The following MBNL2 variants were observed in gnomAD, a reference collection of about 807,000 sequenced individuals.
MBNL2 encodes muscleblind like splicing regulator 2.
A neutral mutation model predicts 41.9 loss-of-function variants in MBNL2; 17 were observed. That is an observed-to-expected ratio of 0.41 (90% CI 0.28 to 0.61). The LOEUF (loss-of-function observed/expected upper bound fraction) is 0.61, where lower values mean the gene tolerates loss of function less well. MBNL2 is among the 20% of genes least tolerant of loss of function. The pLI is 0.35. For synonymous variants in MBNL2, 195 were observed against 182.9 expected, an observed-to-expected ratio of 1.07 and a Z score of -0.53; for missense variants, 336 against 505.6, an observed-to-expected ratio of 0.66 and a Z score of 3.22.
chr13:97,233,110 G>A (rs1405881767), intron 1 of MBNL2, among the ~76,000 whole-genome samples: 2 of 87,952 alleles, frequency 2.3e-5, no homozygotes, highest in Admixed American at 1.4e-4. Context: ...TGATGCTCTC[G>A]CTTCAGGCTC....
chr13:97,294,823 A>T (rs532610937), intron 2 of MBNL2, among the ~76,000 whole-genome samples: 1 of 152,322 alleles, frequency 6.6e-6, no homozygotes, highest in African/African-American at 2.4e-5. Context: ...CATAGATTAC[A>T]TTTCCCAAGT....
At chr13:97,373,256 C>T (rs1346066094) in intron 8 of MBNL2, among the ~76,000 whole-genome samples, 1 of 152,136 alleles carries the variant, frequency 6.6e-6, no homozygotes, top group African/African-American at 2.4e-5. Flanking sequence ...TCTCTCTCTG[C>T]CTTATGCTGC....
chr13:97,263,417 C>T (rs186233941), intron 1 of MBNL2, among the ~76,000 whole-genome samples: 22 of 152,268 alleles, frequency 1.4e-4, no homozygotes, highest in Middle Eastern at 3.4e-3. Context: ...CTTAGTGATA[C>T]TTAGGCAGAC....
intron 8 of MBNL2, among the ~76,000 whole-genome samples, chr13:97,369,339 T>A (rs1057155589): frequency 2.0e-5 from 3 of 152,312 alleles, no homozygotes; most frequent in African/African-American, 7.2e-5. Flanking sequence ...GGAGTAGAAC[T>A]AGATGCCCCT....
intron 8 of MBNL2, among the ~76,000 whole-genome samples, chr13:97,375,502 T>C (rs947741460): frequency 6.6e-6 from 1 of 152,142 alleles, no homozygotes. Context: ...CCTGACACCA[T>C]GACCAGCTGG....
At chr13:97,363,164 A>T (rs1236974800) in intron 7 of MBNL2, 1 of 152,178 alleles carries the variant, frequency 6.6e-6, no homozygotes, top group Non-Finnish European at 1.5e-5. Flanking sequence ...TGAGACACTT[A>T]TGAGACATCC....
At chr13:97,381,105 C>A (rs1309067635) in intron 8 of MBNL2, among the ~76,000 whole-genome samples, 4 of 146,958 alleles carry the variant, frequency 2.7e-5, no homozygotes, top group African/African-American at 1.1e-4. Flanking sequence ...CTTTCTCTCT[C>A]CCTCTCTCTG....
At chr13:97,218,440 C>CAAAACAAAACAAA (rs55815508), upstream of MBNL2, among the ~76,000 whole-genome samples, 3 of 117,974 alleles carry the variant, frequency 2.5e-5, no homozygotes, top group Admixed American at 8.7e-5. Context: ...CAAAACAAAA[C>CAAAACAAAACAAA]AAAAAAAAAA....
chr13:97,249,360 A>C (rs1427498269), intron 1 of MBNL2, among the ~76,000 whole-genome samples: 1 of 152,182 alleles, frequency 6.6e-6, no homozygotes, highest in Non-Finnish European at 1.5e-5. Context: ...ATAAAAGCCC[A>C]GGGGGCATTT....
chr13:97,267,237 C>T (rs372296691), intron 1 of MBNL2, among the ~76,000 whole-genome samples: 1 of 152,216 alleles, frequency 6.6e-6, no homozygotes, highest in African/African-American at 2.4e-5. Flanking sequence ...CCCTGCATAA[C>T]TTAGCAGCTG....
chr13:97,319,856 C>T (rs954995060), intron 2 of MBNL2, among the ~76,000 whole-genome samples: 1 of 152,142 alleles, frequency 6.6e-6, no homozygotes, highest in African/African-American at 2.4e-5. Flanking sequence ...TCTATTAAAT[C>T]TTCCGTGGGA....
intron 3 of MBNL2, among the ~76,000 whole-genome samples, chr13:97,335,382 G>A (rs2060791945): frequency 6.6e-6 from 1 of 151,924 alleles, no homozygotes; most frequent in East Asian, 1.9e-4. Context: ...CTTTATTGTA[G>A]GAAAAGTCTG....
the MBNL2 span, among the ~76,000 whole-genome samples, chr13:97,163,755 C>T: frequency 1.3e-5 from 2 of 152,106 alleles, no homozygotes; most frequent in African/African-American, 4.8e-5. Context: ...ACCCCCTATC[C>T]TCAGGGAAGG....
intron 1 of MBNL2, among the ~76,000 whole-genome samples, chr13:97,226,332 A>G (rs2041606291): frequency 6.6e-6 from 1 of 152,190 alleles, no homozygotes; most frequent in Admixed American, 6.5e-5. Context: ...GGACTCAATA[A>G]TTTACCTTAG....
At chr13:97,204,744 C>T in the MBNL2 span, among the ~76,000 whole-genome samples, 2 of 152,078 alleles carry the variant, frequency 1.3e-5, no homozygotes, top group African/African-American at 4.8e-5. Context: ...CTGGAACTCC[C>T]TTCAGTGCTG....
At chr13:97,379,422 G>A (rs994438682) in intron 8 of MBNL2, among the ~76,000 whole-genome samples, 1 of 152,100 alleles carries the variant, frequency 6.6e-6, no homozygotes, top group Non-Finnish European at 1.5e-5. Flanking sequence ...TAAAAATAAA[G>A]ATACTATTTT....
At chr13:97,378,203 A>ATTACTTAATTGAAACATTACTTG (rs1566451420) in intron 8 of MBNL2, among the ~76,000 whole-genome samples, 2 of 152,244 alleles carry the variant, frequency 1.3e-5, no homozygotes, top group African/African-American at 4.8e-5. Context: ...ATTATGTAAT[A>ATTACTTAATTGAAACATTACTTG]ACACTGGCAT....
intron 5 of MBNL2, among the ~76,000 whole-genome samples, chr13:97,354,332 T>C (rs1263578590): frequency 1.3e-5 from 2 of 152,226 alleles, no homozygotes; most frequent in Non-Finnish European, 2.9e-5. Context: ...TGAGCATCTG[T>C]ATATGAAAAT....
chr13:97,319,795 A>C (rs746768227), intron 2 of MBNL2, among the ~76,000 whole-genome samples: 2 of 152,226 alleles, frequency 1.3e-5, no homozygotes, highest in Non-Finnish European at 2.9e-5. Flanking sequence ...TTTATGCATT[A>C]CTAATGAGTT....
Sources: allele counts gnomAD v4.1 joint callset (sites outside exome capture counted in the v4.1 genomes callset), GRCh38; gene constraint gnomAD v4.1.1; transcripts MANE v1.5; gene names NCBI Gene and HGNC (gene_info 2026-07-23, HGNC 2026-07-21).